The following ANKRD11 variants were observed in gnomAD, a reference collection of about 807,000 sequenced individuals.
ANKRD11 encodes ankyrin repeat domain 11.
ANKRD11 carries 17 observed loss-of-function variants against 195.7 expected under a neutral mutation model. The ratio of observed to expected loss-of-function variants is 0.09; its 90% CI spans 0.06 to 0.13. The LOEUF is 0.13. Among genes scored for constraint, ANKRD11 ranks in the 10% least tolerant of loss-of-function variants. The pLI, the probability that ANKRD11 is intolerant of heterozygous loss-of-function variation, is 1.00. For synonymous variants in ANKRD11, 1,953 were observed against 1,528.1 expected, an observed-to-expected ratio of 1.28 and a Z score of -6.49; for missense variants, 3,735 against 3,566.1, an observed-to-expected ratio of 1.05 and a Z score of -1.21.
At chr16:89,372,616 A>G (rs1212281410) in intron 2 of ANKRD11, among the ~76,000 whole-genome samples, 1 of 152,214 alleles carries the variant, frequency 6.6e-6, no homozygotes, top group Non-Finnish European at 1.5e-5. Context: ...TAAAATACTG[A>G]AATTAAAAAA....
At chr16:89,295,985 C>CTTTTTTTTTT (rs60214636) in intron 4 of ANKRD11, among the ~76,000 whole-genome samples, 16,363 of 45,058 alleles carry the variant, frequency 0.36, 6,430 homozygotes, top group Non-Finnish European at 0.4. Context: ...ATCTGGCTGC[C>CTTTTTTTTTT]TTTTTTTTTT....
chr16:89,462,400 G>A (rs1209947788), intron 1 of ANKRD11, among the ~76,000 whole-genome samples: 1 of 152,212 alleles, frequency 6.6e-6, no homozygotes, highest in African/African-American at 2.4e-5. Context: ...GAGTGCAGTG[G>A]CATGATCTCG....
chr16:89,365,188 T>A (rs1198011781), intron 2 of ANKRD11, among the ~76,000 whole-genome samples: 1 of 152,254 alleles, frequency 6.6e-6, no homozygotes, highest in Non-Finnish European at 1.5e-5. Context: ...TGTCCAGTGA[T>A]GACTATCTTG....
At chr16:89,439,146 A>G (rs758734801) in intron 1 of ANKRD11, among the ~76,000 whole-genome samples, 2 of 152,102 alleles carry the variant, frequency 1.3e-5, no homozygotes, top group Admixed American at 1.3e-4. Flanking sequence ...TCAAATCCAC[A>G]TGCATGCACA....
At chr16:89,474,118 A>G (rs904953271) in intron 1 of ANKRD11, among the ~76,000 whole-genome samples, 1 of 152,106 alleles carries the variant, frequency 6.6e-6, no homozygotes, top group East Asian at 1.9e-4. Context: ...GCAAGAGATA[A>G]CTTCTGCCAC....
In ANKRD11 at chr16:89,281,188, G is replaced by A. The variant is rs1409084496; in HGVS notation, c.5354C>T (p.Thr1785Ile). Residue 1785 changes from threonine to isoleucine, a missense_variant, in exon 9 of 13, where the codon ACA becomes ATA. By Grantham distance (89) the Thr-to-Ile change is moderately conservative. Transcript: ENST00000301030. This position sits in a 1 kb window ranked among gnomAD's most constrained non-coding sequence, Gnocchi z 5.5. ...GACAGAGACCGAGCGGTAAAGGTTT[G>A]TGGAGAGAGGCCTGGCAGGAGCCTG... The part of the protein sequence containing the change: ...ASQAPARPLS[T>I]NLYRSVSVDI... The A allele has an allele frequency of 6.2e-7, 1 of 1,614,210 alleles. No individual in the cohort carries two copies. Among genetic ancestry groups the A allele is most frequent in the Admixed American group, 1.7e-5 (1 of 60,032 alleles).
chr16:89,467,831 C>G (rs1283234037), intron 1 of ANKRD11, among the ~76,000 whole-genome samples: 1 of 152,006 alleles, frequency 6.6e-6, no homozygotes. Flanking sequence ...GACAATGTCT[C>G]GCTCTGTTGC....
chr16:89,300,312 C>T, intron 4 of ANKRD11: 2 of 215,082 alleles, frequency 9.3e-6, no homozygotes, highest in South Asian at 5.4e-5. Context: ...CCGTGTGTTG[C>T]TAACATCCCC....
At position 89,282,093 on chromosome 16, in the gene ANKRD11, C is replaced by G; in HGVS notation, c.4449G>C (p.Gly1483=). The part of the protein sequence containing the change: ...KERHRDRHAD[G]LLRHHRDELL... The stretch of plus-strand genomic sequence containing the variant: ...GCTCGTCCCTGTGATGCCGCAGCAG[C>G]CCATCCGCATGCCTGTCCCGGTGCC... Residue 1483 remains glycine (G), a synonymous_variant, in exon 9 of 13, where the codon GGG becomes GGC. Transcript: ENST00000301030. The G allele has an allele frequency of 1.9e-6, 3 of 1,614,002 alleles. No individual in the cohort carries two copies. Among genetic ancestry groups the G allele is most frequent in the Non-Finnish European group, 2.5e-6 (3 of 1,179,992 alleles).
chr16:89,285,236 C>T lies in ANKRD11; in HGVS notation c.1306G>A (p.Gly436Ser), dbSNP rs1307402586. Residue 436 changes from glycine (G) to serine (S), a missense_variant, in exon 9 of 13, where the codon GGT (glycine) becomes AGT (serine). Gly to Ser is a moderately conservative substitution (Grantham distance 56). Transcript: ENST00000301030. This position sits in a 1 kb window ranked among gnomAD's most constrained non-coding sequence, Gnocchi z 5.6. The part of the protein sequence containing the change: ...LRLSAHTILP[G>S]SKTREPSNAK... Reference sequence around the variant, plus strand: ...TTAGAAGGCTCTCGTGTCTTACTACCAGGCAATATCGTATGTGCCGAGAGT... The same window carrying T: ...TTAGAAGGCTCTCGTGTCTTACTACTAGGCAATATCGTATGTGCCGAGAGT... 2.5e-6 allele frequency: 4 copies of T among 1,613,776 alleles called. No individual in the cohort carries two copies. The highest frequency in any genetic ancestry group is 1.7e-5 in the Admixed American group (1 of 60,010).
At chr16:89,297,650 T>C (rs2035531196) in intron 4 of ANKRD11, 1 of 152,242 alleles carries the variant, frequency 6.6e-6, no homozygotes, top group Non-Finnish European at 1.5e-5. Flanking sequence ...ATATTCCCAC[T>C]GACATCCTCC....
Position 89,467,893 on chromosome 16 carries a change from C to T in ANKRD11, c.-145+22352G>A, listed in dbSNP as rs191146883. 7.2e-5 allele frequency among the ~76,000 whole-genome samples: 11 copies of T among 151,988 alleles called. No individual in the cohort carries two copies. The East Asian group carries it at 1.6e-3, about 22-fold the overall frequency. Reference sequence around the variant, plus strand: ...TCAGCTCACTGCAACCTCTGCCTCCCGGGTTCAAGTGTTTCTCTTGCCTCA... The same window carrying T: ...TCAGCTCACTGCAACCTCTGCCTCCTGGGTTCAAGTGTTTCTCTTGCCTCA... On this transcript the variant is annotated intron_variant, in intron 1 of 12. Coordinates refer to ENST00000301030, the MANE Select transcript of ANKRD11 (RefSeq NM_013275.6).
intron 2 of ANKRD11, among the ~76,000 whole-genome samples, chr16:89,344,835 ACT>A (rs1423274194): frequency 6.6e-6 from 1 of 152,138 alleles, no homozygotes; most frequent in Non-Finnish European, 1.5e-5. Flanking sequence ...GAGGCGTGAG[ACT>A]CTCAACCACC....
Position 89,378,197 on chromosome 16 carries a change from C to T in ANKRD11, c.-60+40087G>A, listed in dbSNP as rs142548153. On this transcript the variant is annotated intron_variant, in intron 2 of 12. Coordinates refer to ENST00000301030, the MANE Select transcript of ANKRD11 (RefSeq NM_013275.6). ...AGCGAGACTCTGTCTCTTTAAGAAG[C>T]GGGAAAAAAAGTGCTTTGTATATGT... 1.7e-3 allele frequency among the ~76,000 whole-genome samples: 257 copies of T among 151,920 alleles called. 1 individual carries two copies. Among genetic ancestry groups the T allele is most frequent in the African/African-American group, 5.9e-3 (244 of 41,432 alleles).
chr16:89,439,132 T>C (rs2043339683), intron 1 of ANKRD11, among the ~76,000 whole-genome samples: 1 of 152,032 alleles, frequency 6.6e-6, no homozygotes, highest in South Asian at 2.1e-4. Flanking sequence ...GTGTGGCACG[T>C]TGTTCAAATC....
chr16:89,445,976 A>G (rs1330961902), intron 1 of ANKRD11, among the ~76,000 whole-genome samples: 1 of 148,442 alleles, frequency 6.7e-6, no homozygotes, highest in Admixed American at 6.7e-5. Flanking sequence ...TCTCAAAAAC[A>G]AAAACAAAAA....
At chr16:89,387,725 G>A (rs900288883) in intron 2 of ANKRD11, among the ~76,000 whole-genome samples, 10 of 148,654 alleles carry the variant, frequency 6.7e-5, no homozygotes, top group East Asian at 6.0e-4. Context: ...GTGCTTGGCC[G>A]GGCACGGTAG....
intron 7 of ANKRD11, chr16:89,288,278 A>C: frequency 1.5e-6 from 1 of 660,528 alleles, no homozygotes. Flanking sequence ...CCAGACCTAC[A>C]CGGCTAGCGG....
chr16:89,420,149 T>C (rs2042452518), intron 1 of ANKRD11: 1 of 152,148 alleles, frequency 6.6e-6, no homozygotes, highest in Admixed American at 6.5e-5. Flanking sequence ...CACAGCCTGG[T>C]TTCAGTGAAA....
Sources: allele counts gnomAD v4.1 joint callset (sites outside exome capture counted in the v4.1 genomes callset), GRCh38; gene constraint gnomAD v4.1.1; non-coding constraint Gnocchi (gnomAD v3.1); transcripts MANE v1.5; gene names NCBI Gene and HGNC (gene_info 2026-07-23, HGNC 2026-07-21).